NEDD4L: variants seen among roughly 807,000 people sequenced by gnomAD.
NEDD4L encodes NEDD4 like E3 ubiquitin protein ligase.
NEDD4L carries 54 observed loss-of-function variants against 148.9 expected under a neutral mutation model. The ratio of observed to expected loss-of-function variants is 0.36; its 90% CI spans 0.29 to 0.45. The LOEUF (loss-of-function observed/expected upper bound fraction) is 0.45. NEDD4L is among the 20% of genes least tolerant of loss of function. The probability of loss-of-function intolerance (pLI) is 1.00; values close to 1 mark genes in which losing one functional copy is unlikely to be tolerated. For synonymous variants in NEDD4L, 433 were observed against 440.7 expected (o/e 0.98, Z 0.22); for missense variants, 856 against 1,233.8 (o/e 0.69, Z 4.59).
chr18:58,353,233 G>C (rs921632244), intron 18 of NEDD4L, among the ~76,000 whole-genome samples: 1 of 152,192 alleles, frequency 6.6e-6, no homozygotes, highest in Non-Finnish European at 1.5e-5. Context: ...CCTTACTCCT[G>C]ATCAGTTCTG....
intron 5 of NEDD4L, among the ~76,000 whole-genome samples, chr18:58,280,439 C>G (rs1055594111): frequency 1.3e-5 from 2 of 152,120 alleles, no homozygotes; most frequent in Admixed American, 6.5e-5. Flanking sequence ...GTGAGCTGGA[C>G]TTTGAATAAA....
At chr18:58,291,946 A>G (rs1309533899) in intron 5 of NEDD4L, among the ~76,000 whole-genome samples, 2 of 152,168 alleles carry the variant, frequency 1.3e-5, no homozygotes, top group African/African-American at 2.4e-5. Flanking sequence ...CTTACCTGGG[A>G]TATCACCAGT....
chr18:58,231,301 A>G (rs2045203186), intron 2 of NEDD4L, among the ~76,000 whole-genome samples: 1 of 151,070 alleles, frequency 6.6e-6, no homozygotes, highest in Admixed American at 6.6e-5. Context: ...GATTCCATGG[A>G]AAAGGGAGTG....
chr18:58,267,658 G>A (rs1468456737), intron 5 of NEDD4L, among the ~76,000 whole-genome samples: 1 of 151,994 alleles, frequency 6.6e-6, no homozygotes, highest in Non-Finnish European at 1.5e-5. Context: ...CTAGAAAATG[G>A]GAGGTTTTTC....
chr18:58,306,301 G>A (rs1000838861), intron 5 of NEDD4L, among the ~76,000 whole-genome samples: 10 of 151,150 alleles, frequency 6.6e-5, no homozygotes, highest in African/African-American at 1.7e-4. Flanking sequence ...AGATGAGGGG[G>A]GTGAAGTAAA....
At position 58,181,495 on chromosome 18, in the gene NEDD4L, G is replaced by A. The variant is rs75072642; in HGVS notation, c.122+15634G>A. Among the ~76,000 whole-genome samples, 1,286 of 151,626 alleles carry A rather than the reference G, an allele frequency of 8.5e-3. 21 individuals are homozygous for A. The highest frequency in any genetic ancestry group is 0.03 in the African/African-American group (1,219 of 40,950). ...CACCAAGACTGGAGTGCAGTGGTGC[G>A]GCTGTAGCTCACTACAGCCTTGAAC... is the stretch of plus-strand genomic sequence containing the variant. On this transcript the variant is annotated intron_variant, in intron 2 of 30. Transcript: ENST00000400345.
chr18:58,101,054 C>T (rs767734811), intron 1 of NEDD4L, among the ~76,000 whole-genome samples: 2 of 152,146 alleles, frequency 1.3e-5, no homozygotes, highest in Non-Finnish European at 2.9e-5. Context: ...GATCCTCCCT[C>T]CTTTGCCTTC....
chr18:58,185,682 T>C (rs534122458), intron 2 of NEDD4L, among the ~76,000 whole-genome samples: 39 of 152,314 alleles, frequency 2.6e-4, no homozygotes, highest in African/African-American at 9.4e-4. Flanking sequence ...GAGACCAGCC[T>C]GGCCAACATA....
At chr18:58,387,145 A>C (rs940530781) in intron 26 of NEDD4L, among the ~76,000 whole-genome samples, 4 of 152,220 alleles carry the variant, frequency 2.6e-5, no homozygotes, top group African/African-American at 9.6e-5. Context: ...GACTCACAGC[A>C]GTGTTATAAA....
chr18:58,229,441 A>G (rs957738866), intron 2 of NEDD4L, among the ~76,000 whole-genome samples: 4 of 152,100 alleles, frequency 2.6e-5, no homozygotes, highest in African/African-American at 9.7e-5. Flanking sequence ...TCTATCACAC[A>G]TTTTGTCCCC....
intron 17 of NEDD4L, 63 bp from the exon 18 acceptor site, chr18:58,350,928 T>C (rs949234279): frequency 1.5e-6 from 2 of 1,341,018 alleles, no homozygotes; most frequent in Non-Finnish European, 2.1e-6. Flanking sequence ...AATGTTGCCT[T>C]TGATTTCAGA....
At chr18:58,130,984 G>A (rs1298746669) in intron 1 of NEDD4L, among the ~76,000 whole-genome samples, 1 of 135,330 alleles carries the variant, frequency 7.4e-6, no homozygotes, top group African/African-American at 2.8e-5. Context: ...GTTGGGCTCT[G>A]TTGGGGTTTG....
intron 25 of NEDD4L, 109 bp downstream of exon 25, chr18:58,383,428 G>A (rs1341782904): frequency 1.5e-6 from 1 of 670,742 alleles, no homozygotes; most frequent in African/African-American, 1.8e-5. Flanking sequence ...TGAGTTTATT[G>A]GTCAGTTTTC....
intron 2 of NEDD4L, among the ~76,000 whole-genome samples, chr18:58,224,662 A>G (rs1464798833): frequency 6.6e-6 from 1 of 152,192 alleles, no homozygotes; most frequent in African/African-American, 2.4e-5. Flanking sequence ...TCAAAAGGCT[A>G]TTTAAGTCAC....
intron 19 of NEDD4L, among the ~76,000 whole-genome samples, chr18:58,360,376 T>C (rs1269215670): frequency 1.3e-5 from 2 of 152,226 alleles, no homozygotes; most frequent in Admixed American, 1.3e-4. Flanking sequence ...CTCTTAACTT[T>C]TGTGTTTTCT....
intron 2 of NEDD4L, among the ~76,000 whole-genome samples, chr18:58,214,534 T>C (rs1276509696): frequency 4.6e-5 from 7 of 151,990 alleles, no homozygotes; most frequent in African/African-American, 1.7e-4. Flanking sequence ...AAGATTAAAA[T>C]AGGTGGTGCT....
intron 5 of NEDD4L, among the ~76,000 whole-genome samples, chr18:58,265,322 A>G (rs1157920653): frequency 6.6e-6 from 1 of 152,036 alleles, no homozygotes; most frequent in African/African-American, 2.4e-5. Flanking sequence ...TGTCATCACA[A>G]ACAATTCCTC....
At position 58,328,988 on chromosome 18, in the gene NEDD4L, T is replaced by C; in HGVS notation, c.681-7T>C. On this transcript the variant is annotated splice_polypyrimidine_tract_variant and splice_region_variant and intron_variant, in intron 9 of 30. Coordinates refer to ENST00000400345, the MANE Select transcript of NEDD4L (RefSeq NM_001144967.3). Reference sequence around the variant, plus strand: ...TTCTTCTCTTTCCCCCTTTCCTGCATGCTCAGGGACGTGTCCTCGGAGTCG... The same window carrying C: ...TTCTTCTCTTTCCCCCTTTCCTGCACGCTCAGGGACGTGTCCTCGGAGTCG... 1 of 1,613,952 alleles carries C rather than the reference T, an allele frequency of 6.2e-7. No individual in the cohort carries two copies. Among genetic ancestry groups the C allele is most frequent in the African/African-American group, 1.3e-5 (1 of 75,042 alleles).
intron 12 of NEDD4L, among the ~76,000 whole-genome samples, chr18:58,334,545 A>G (rs942443971): frequency 1.3e-5 from 2 of 152,242 alleles, no homozygotes; most frequent in Non-Finnish European, 2.9e-5. Context: ...GAAATTTTAC[A>G]TAAATTTGTT....
Sources: gnomAD v4.1 joint callset for allele counts (sites outside exome capture counted in the v4.1 genomes callset) on GRCh38, gnomAD v4.1.1 for gene constraint, MANE v1.5 for transcripts, NCBI Gene and HGNC (gene_info 2026-07-23, HGNC 2026-07-21) for gene names.